Variants in CDK6 observed in about 807,000 individuals in gnomAD.
CDK6 encodes cyclin dependent kinase 6.
Under a neutral mutation model 37.1 loss-of-function variants are expected in CDK6, and 6 were observed. The ratio of observed to expected loss-of-function variants is 0.16; its 90% CI spans 0.09 to 0.32. The LOEUF (loss-of-function observed/expected upper bound fraction) is 0.32, where lower values mean the gene tolerates loss of function less well. Ranked by LOEUF, CDK6 falls within the 10% of genes least tolerant of loss-of-function variation. The probability of loss-of-function intolerance (pLI) is 1.00; values close to 1 mark genes in which losing one functional copy is unlikely to be tolerated. For synonymous variants in CDK6, 160 were observed against 161.3 expected (o/e 0.99, Z 0.06); for missense variants, 224 against 418.9 (o/e 0.53, Z 4.06).
chr7:92,740,235 T>G (rs892173964), intron 3 of CDK6, among the ~76,000 whole-genome samples: 3 of 152,214 alleles, frequency 2.0e-5, no homozygotes, highest in African/African-American at 7.2e-5. Flanking sequence ...GAGGGTAACA[T>G]GCTCTATTAT....
chr7:92,613,707 C>T lies in CDK6; in HGVS notation c.*1433G>A, dbSNP rs1795610829. The T allele has an allele frequency of 4.3e-6, 1 of 233,084 alleles. No individual in the cohort carries two copies. The highest frequency in any genetic ancestry group is 8.5e-6 in the Non-Finnish European group (1 of 117,948). 14.4% of individuals were successfully genotyped at this position (233,084 alleles called of 1,614,324 possible). A position where few individuals can be genotyped will look rare whatever the true frequency, so the allele number is the denominator to read the frequency against. On this transcript the variant is annotated 3_prime_UTR_variant, in exon 8 of 8. Transcript: ENST00000424848. ...AAAGACATACCCTCAGGTAAAGACA[C>T]TGAAAATATCTTCTATAAAAATGTA...
At chr7:92,726,315 AAAT>A (rs1445783095) in intron 3 of CDK6, among the ~76,000 whole-genome samples, 2 of 152,204 alleles carry the variant, frequency 1.3e-5, no homozygotes, top group Non-Finnish European at 2.9e-5. Flanking sequence ...ACATTTAGGT[AAAT>A]AATATCATTA....
intron 5 of CDK6, among the ~76,000 whole-genome samples, chr7:92,654,869 C>T (rs1394210724): frequency 2.0e-5 from 3 of 151,994 alleles, no homozygotes; most frequent in Non-Finnish European, 4.4e-5. Context: ...TTTTCTGAGA[C>T]AGAAAAAAGC....
intron 2 of CDK6, among the ~76,000 whole-genome samples, chr7:92,829,615 T>C (rs1020256329): frequency 1.3e-5 from 2 of 152,180 alleles, no homozygotes; most frequent in African/African-American, 4.8e-5. Flanking sequence ...TTTGAATAAA[T>C]GGAGCTCAAA....
intron 2 of CDK6, among the ~76,000 whole-genome samples, chr7:92,798,126 C>T (rs1800462865): frequency 6.6e-6 from 1 of 152,140 alleles, no homozygotes. Context: ...CTGGCTTTAG[C>T]CATACAAAGC....
At chr7:92,684,051 C>T (rs1325174872) in intron 4 of CDK6, among the ~76,000 whole-genome samples, 1 of 152,160 alleles carries the variant, frequency 6.6e-6, no homozygotes, top group Non-Finnish European at 1.5e-5. Flanking sequence ...TTGTAAAGCA[C>T]AGAAGATGTA....
rs1585336588 is a variant in CDK6 at position 92,614,698 on chromosome 7, C to A, written c.*442G>T. 2 of 31,696 alleles carry A rather than the reference C, an allele frequency of 6.3e-5. No homozygotes were observed. Among genetic ancestry groups the A allele is most frequent in the East Asian group, 0.015 (2 of 134 alleles). The allele number at this position is 31,696 out of a possible 1,614,324, so 2.0% of individuals were successfully genotyped here. On this transcript the variant is annotated 3_prime_UTR_variant, in exon 8 of 8. Transcript: ENST00000424848. Reference sequence around the variant, plus strand: ...AAAAGATCACAGAATCTCTCACATACACACACACACACACACACACACACA... The same window carrying A: ...AAAAGATCACAGAATCTCTCACATAAACACACACACACACACACACACACA...
Position 92,767,847 on chromosome 7 carries a change from C to T in CDK6, c.369+6849G>A, listed in dbSNP as rs1011747062. Among the ~76,000 whole-genome samples, 53 of 151,894 alleles carry T rather than the reference C, an allele frequency of 3.5e-4. 1 individual carries two copies. Among genetic ancestry groups the T allele is most frequent in the South Asian group, 2.1e-4 (1 of 4,820 alleles). On this transcript the variant is annotated intron_variant, in intron 3 of 7. Coordinates refer to ENST00000424848, the MANE Select transcript of CDK6 (RefSeq NM_001145306.2). ...GAGTCAAAAGACTATATTAAAAGCT[C>T]GTCTTCCACAGAATATAGGTCACAT...
intron 5 of CDK6, among the ~76,000 whole-genome samples, chr7:92,658,817 G>A (rs1011342802): frequency 3.9e-5 from 6 of 151,936 alleles, no homozygotes; most frequent in Non-Finnish European, 4.4e-5. Flanking sequence ...TTGATCCTTC[G>A]TACAGCAATT....
intron 5 of CDK6, among the ~76,000 whole-genome samples, chr7:92,666,305 G>C (rs1796955242): frequency 6.6e-6 from 1 of 152,162 alleles, no homozygotes; most frequent in African/African-American, 2.4e-5. Context: ...TAATTGTGCA[G>C]GCAATGGATT....
intron 2 of CDK6, among the ~76,000 whole-genome samples, chr7:92,819,308 G>A (rs1801111944): frequency 6.6e-6 from 1 of 152,084 alleles, no homozygotes; most frequent in African/African-American, 2.4e-5. Flanking sequence ...AATACTCTTT[G>A]ATACTGTGTA....
intron 2 of CDK6, among the ~76,000 whole-genome samples, chr7:92,817,849 C>T (rs1801069230): frequency 6.6e-6 from 1 of 151,762 alleles, no homozygotes; most frequent in Admixed American, 6.6e-5. Flanking sequence ...CAATGACAAA[C>T]ACTTAAAAAG....
rs186458751 is a variant in CDK6 at position 92,631,382 on chromosome 7, G to C, written c.648-8296C>G. On this transcript the variant is annotated intron_variant, in intron 5 of 7. Transcript: ENST00000424848. Reference sequence around the variant, plus strand: ...AATTAAGTTCTTTGTTATTTCAGTGGGGCAGGCTGTTTAAAAAAATCAAAT... The same window carrying C: ...AATTAAGTTCTTTGTTATTTCAGTGCGGCAGGCTGTTTAAAAAAATCAAAT... 6.6e-5 allele frequency among the ~76,000 whole-genome samples: 10 copies of C among 152,148 alleles called. No homozygotes were observed. In the East Asian group the frequency reaches 1.9e-3, roughly 29 times the overall value.
intron 6 of CDK6, among the ~76,000 whole-genome samples, chr7:92,618,686 T>C (rs1169464753): frequency 6.6e-6 from 1 of 152,172 alleles, no homozygotes; most frequent in African/African-American, 2.4e-5. Context: ...TTTGGTTGCA[T>C]TTTTGGTTAA....
chr7:92,659,960 G>A (rs567291000), intron 5 of CDK6, among the ~76,000 whole-genome samples: 6 of 152,260 alleles, frequency 3.9e-5, no homozygotes, highest in Non-Finnish European at 5.9e-5. Context: ...AAGAAGGGCC[G>A]AGAAATCTCT....
intron 4 of CDK6, among the ~76,000 whole-genome samples, chr7:92,673,824 C>T (rs995253702): frequency 6.6e-6 from 1 of 151,786 alleles, no homozygotes; most frequent in Non-Finnish European, 1.5e-5. Flanking sequence ...GTTGCCCAGG[C>T]TGGAGTGCAG....
At chr7:92,655,601 T>C (rs1207852743) in intron 5 of CDK6, among the ~76,000 whole-genome samples, 3 of 152,228 alleles carry the variant, frequency 2.0e-5, no homozygotes, top group Non-Finnish European at 4.4e-5. Flanking sequence ...GGCAACACAG[T>C]GCAAACACAT....
chr7:92,830,500 C>T (rs1369581362), intron 2 of CDK6, among the ~76,000 whole-genome samples: 2 of 152,192 alleles, frequency 1.3e-5, no homozygotes, highest in Non-Finnish European at 2.9e-5. Flanking sequence ...GACTGTAAAA[C>T]TAATCCCAGG....
chr7:92,675,352 T>A (rs1797180151), intron 4 of CDK6, among the ~76,000 whole-genome samples: 2 of 152,252 alleles, frequency 1.3e-5, no homozygotes, highest in Non-Finnish European at 2.9e-5. Context: ...CAAATGCTTT[T>A]TAAAATGTCT....
Sources: allele counts gnomAD v4.1 joint callset (sites outside exome capture counted in the v4.1 genomes callset), GRCh38; gene constraint gnomAD v4.1.1; transcripts MANE v1.5; gene names NCBI Gene and HGNC (gene_info 2026-07-23, HGNC 2026-07-21).